Variants in NKAIN2 observed in about 807,000 individuals in gnomAD.
NKAIN2 encodes sodium/potassium-transporting ATPase subunit beta-1-interacting protein 2.
In NKAIN2, 14 loss-of-function variants were observed where a neutral mutation model predicts 32.6. The ratio of observed to expected loss-of-function variants is 0.43; its 90% confidence interval spans 0.28 to 0.67. The LOEUF is 0.67. Among genes scored for constraint, NKAIN2 ranks in the 30% least tolerant of loss-of-function variants. NKAIN2 has a pLI of 0.17. For missense variants in NKAIN2, 198 were observed against 258.3 expected, an observed-to-expected ratio of 0.77 and a Z score of 1.60; for synonymous variants, 80 against 87.2, an observed-to-expected ratio of 0.92 and a Z score of 0.46.
At chr6:124,701,150 C>T (rs897955566) in intron 4 of NKAIN2, among the ~76,000 whole-genome samples, 6 of 130,352 alleles carry the variant, frequency 4.6e-5, no homozygotes, top group African/African-American at 1.5e-4. Context: ...CACACACACA[C>T]ACGCACACAC....
intron 3 of NKAIN2, among the ~76,000 whole-genome samples, chr6:124,600,800 GAGTAA>G (rs1347129464): frequency 6.6e-6 from 1 of 152,028 alleles, no homozygotes; most frequent in African/African-American, 2.4e-5. Context: ...TAGGGTAGAA[GAGTAA>G]AAGGTATTCT....
intron 1 of NKAIN2, among the ~76,000 whole-genome samples, chr6:123,944,190 G>A (rs1776961858): frequency 6.6e-6 from 1 of 151,952 alleles, no homozygotes. Flanking sequence ...AGTTTCTGAT[G>A]CAAGCAGCAA....
At chr6:124,343,026 C>G (rs1381090275) in intron 2 of NKAIN2, among the ~76,000 whole-genome samples, 1 of 139,778 alleles carries the variant, frequency 7.2e-6, no homozygotes, top group Non-Finnish European at 1.5e-5. Flanking sequence ...GTTCCCCTTC[C>G]TGTGTTCATG....
chr6:124,278,517 AT>A (rs932835134), intron 1 of NKAIN2, among the ~76,000 whole-genome samples: 14 of 151,522 alleles, frequency 9.2e-5, no homozygotes, highest in Non-Finnish European at 1.9e-4. Context: ...AACAATTACC[AT>A]TAAAATTAAC....
chr6:124,599,797 CT>C (rs1782238992), intron 3 of NKAIN2, among the ~76,000 whole-genome samples: 1 of 152,096 alleles, frequency 6.6e-6, no homozygotes, highest in South Asian at 2.1e-4. Context: ...CTCTCTTGTT[CT>C]TTTAGCCGTG....
At chr6:124,506,374 T>A (rs910709535) in intron 3 of NKAIN2, among the ~76,000 whole-genome samples, 1 of 152,214 alleles carries the variant, frequency 6.6e-6, no homozygotes, top group Non-Finnish European at 1.5e-5. Flanking sequence ...GAAGCATTGC[T>A]GTTCAGAGTG....
In NKAIN2 at chr6:124,037,864, A is replaced by G. The variant is rs780616828; in HGVS notation, c.54+233610A>G. Among the ~76,000 whole-genome samples, 40 of 152,160 alleles carry G rather than the reference A, an allele frequency of 2.6e-4. 1 individual carries two copies. The highest frequency in any genetic ancestry group is 1.4e-3 in the Admixed American group (21 of 15,254). ...CAACTTCAAAGGGTTGAAAGCGGAA[A>G]GGTAGTATAAGAAATGGAAGTACCA... On this transcript the variant is annotated intron_variant, in intron 1 of 6. Coordinates refer to ENST00000368417, the MANE Select transcript of NKAIN2 (RefSeq NM_001040214.3).
chr6:124,534,570 G>T (rs1779646718), intron 3 of NKAIN2, among the ~76,000 whole-genome samples: 2 of 152,232 alleles, frequency 1.3e-5, no homozygotes, highest in African/African-American at 4.8e-5. Context: ...GTTTGAGTAT[G>T]ACAGATAGTC....
At chr6:123,870,208 A>G (rs1433763381) in intron 1 of NKAIN2, among the ~76,000 whole-genome samples, 2 of 152,172 alleles carry the variant, frequency 1.3e-5, no homozygotes, top group East Asian at 3.9e-4. Context: ...GACAATATAA[A>G]TAAATATGGT....
At chr6:124,765,029 A>G (rs1778448917) in intron 4 of NKAIN2, among the ~76,000 whole-genome samples, 1 of 152,200 alleles carries the variant, frequency 6.6e-6, no homozygotes, top group African/African-American at 2.4e-5. Flanking sequence ...GTTTCCACTT[A>G]AGCAATCTCC....
chr6:124,106,862 C>T (rs1191389127), intron 1 of NKAIN2, among the ~76,000 whole-genome samples: 2 of 152,076 alleles, frequency 1.3e-5, no homozygotes, highest in Admixed American at 1.3e-4. Context: ...AATGTATTGC[C>T]TTCATAGATT....
intron 3 of NKAIN2, among the ~76,000 whole-genome samples, chr6:124,420,385 G>A (rs1464442741): frequency 2.0e-5 from 3 of 152,222 alleles, no homozygotes; most frequent in Non-Finnish European, 4.4e-5. Flanking sequence ...GAAGTGAAGT[G>A]AAGGTAGGTT....
intron 1 of NKAIN2, among the ~76,000 whole-genome samples, chr6:123,950,106 T>C (rs180733161): frequency 1.3e-5 from 2 of 152,206 alleles, no homozygotes; most frequent in South Asian, 2.1e-4. Flanking sequence ...GATTTTCATA[T>C]GTAGAACCAT....
chr6:124,727,207 C>G (rs1312164570), intron 4 of NKAIN2, among the ~76,000 whole-genome samples: 2 of 151,126 alleles, frequency 1.3e-5, no homozygotes, highest in African/African-American at 4.9e-5. Context: ...ATACAGAGAA[C>G]ACCACAAAGA....
chr6:124,161,208 G>C (rs935720962), intron 1 of NKAIN2, among the ~76,000 whole-genome samples: 68 of 152,240 alleles, frequency 4.5e-4, no homozygotes, highest in African/African-American at 1.5e-3. Flanking sequence ...TACAATCATG[G>C]TGGAAGGCAA....
chr6:124,668,699 C>T (rs558100099), intron 4 of NKAIN2, among the ~76,000 whole-genome samples: 14 of 152,176 alleles, frequency 9.2e-5, no homozygotes, highest in South Asian at 6.2e-4. Flanking sequence ...CTGTGAGGTA[C>T]GGAAAACTTC....
intron 1 of NKAIN2, among the ~76,000 whole-genome samples, chr6:124,015,301 A>G (rs1014585452): frequency 7.9e-5 from 12 of 152,216 alleles, no homozygotes; most frequent in African/African-American, 2.9e-4. Context: ...AGATGGGACC[A>G]TAACTGAGTT....
chr6:123,934,521 AT>A (rs772068547), intron 1 of NKAIN2, among the ~76,000 whole-genome samples: 7 of 152,084 alleles, frequency 4.6e-5, no homozygotes, highest in Non-Finnish European at 7.4e-5. Flanking sequence ...GTAGTGTGCC[AT>A]TACTTATTCT....
chr6:124,763,382 G>A (rs1025831875), intron 4 of NKAIN2, among the ~76,000 whole-genome samples: 1 of 152,226 alleles, frequency 6.6e-6, no homozygotes, highest in African/African-American at 2.4e-5. Flanking sequence ...TCAGATAACT[G>A]CCAGTCATGG....
Sources: gnomAD v4.1 joint callset for allele counts (sites outside exome capture counted in the v4.1 genomes callset) on GRCh38, gnomAD v4.1.1 for gene constraint, MANE v1.5 for transcripts, NCBI Gene and HGNC (gene_info 2026-07-23, HGNC 2026-07-21) for gene names.